Variants in MTCH2 observed in about 807,000 individuals in gnomAD.
MTCH2 encodes mitochondrial carrier homolog 2.
In MTCH2, 25 loss-of-function variants were observed where a neutral mutation model predicts 50.6. The ratio of observed to expected loss-of-function variants is 0.49; its 90% CI spans 0.36 to 0.69. The LOEUF is 0.69. MTCH2 is among the 30% of genes least tolerant of loss of function. The pLI, the probability that MTCH2 is intolerant of heterozygous loss-of-function variation, is 0.00. For synonymous variants in MTCH2, 106 were observed against 132.0 expected, an observed-to-expected ratio of 0.80 and a Z score of 1.35; for missense variants, 273 against 384.4, an observed-to-expected ratio of 0.71 and a Z score of 2.42.
chr11:47,628,855 G>T, intron 9 of MTCH2, 98 bp downstream of exon 9: 1 of 1,071,852 alleles, frequency 9.3e-7, no homozygotes, highest in Non-Finnish European at 1.4e-6. Context: ...TGGGATTACA[G>T]GTGTGAGCCA....
At chr11:47,631,804 A>G in intron 5 of MTCH2, 93 bp from the exon 6 acceptor site, 1 of 1,349,246 alleles carries the variant, frequency 7.4e-7, no homozygotes, top group Non-Finnish European at 1.1e-6. Context: ...GGTATAGGAT[A>G]AGAAAGTGAA....
At chr11:47,626,621 C>T (rs181907247) in intron 10 of MTCH2, among the ~76,000 whole-genome samples, 2 of 150,956 alleles carry the variant, frequency 1.3e-5, no homozygotes, top group East Asian at 1.9e-4. Context: ...GTTATTCTCT[C>T]TTTTTTTTTG....
the MTCH2 span, among the ~76,000 whole-genome samples, chr11:47,608,883 G>A: frequency 8.4e-4 from 126 of 150,462 alleles, no homozygotes; most frequent in Non-Finnish European, 1.5e-3. Context: ...GCGTGAACCC[G>A]GGAGGCGGAG....
chr11:47,617,511 G>T lies in MTCH2; in HGVS notation c.*1322C>A, dbSNP rs9089. On this transcript the variant is annotated 3_prime_UTR_variant, in exon 13 of 13. Transcript: ENST00000302503. ...CATGAGCTTCCTAAACCCCAGGGGA[G>T]GGAAGAGACCCCTGCATTCTCGTTC... 6.6e-6 allele frequency: 1 copy of T among 152,562 alleles called. No individual in the cohort carries two copies. The highest frequency in any genetic ancestry group is 1.5e-5 in the Non-Finnish European group (1 of 68,030). 9.5% of individuals were successfully genotyped at this position (152,562 alleles called of 1,614,324 possible). A position where few individuals can be genotyped will look rare whatever the true frequency, so the allele number is the denominator to read the frequency against.
intron 3 of MTCH2, among the ~76,000 whole-genome samples, chr11:47,636,577 C>T (rs2097308795): frequency 6.6e-6 from 1 of 151,580 alleles, no homozygotes; most frequent in African/African-American, 2.4e-5. Context: ...ACTAAAAATA[C>T]AAAAATTAGC....
the MTCH2 span, among the ~76,000 whole-genome samples, chr11:47,609,644 A>G: frequency 6.7e-6 from 1 of 149,352 alleles, no homozygotes. Context: ...AAAAAAAAAA[A>G]AAAAAAAGAA....
intron 1 of MTCH2, among the ~76,000 whole-genome samples, chr11:47,641,281 A>G (rs2097313958): frequency 6.6e-6 from 1 of 152,206 alleles, no homozygotes. Flanking sequence ...GTTACAGTAC[A>G]TTCTAATCAG....
intron 5 of MTCH2, 102 bp downstream of exon 5, chr11:47,634,570 G>T: frequency 1.2e-6 from 1 of 850,774 alleles, no homozygotes; most frequent in Non-Finnish European, 1.9e-6. Flanking sequence ...AATTTCATTT[G>T]GGAACAGACA....
intron 5 of MTCH2, among the ~76,000 whole-genome samples, chr11:47,632,718 A>T: frequency 7.1e-6 from 1 of 141,066 alleles, no homozygotes; most frequent in East Asian, 2.2e-4. Flanking sequence ...TTTTTTTTTG[A>T]GACAGAGTCT....
At chr11:47,637,135 G>A (rs959707005) in intron 3 of MTCH2, among the ~76,000 whole-genome samples, 5 of 151,754 alleles carry the variant, frequency 3.3e-5, no homozygotes, top group African/African-American at 1.2e-4. Flanking sequence ...GATTACATGC[G>A]CCCACCACCA....
intron 12 of MTCH2, among the ~76,000 whole-genome samples, chr11:47,621,838 C>A (rs2097293563): frequency 1.3e-5 from 2 of 152,044 alleles, no homozygotes; most frequent in South Asian, 4.2e-4. Context: ...GTAACTGGAA[C>A]TATAGGCATG....
At chr11:47,629,442 G>A (rs1457266140) in intron 8 of MTCH2, 2 of 213,352 alleles carry the variant, frequency 9.4e-6, no homozygotes, top group East Asian at 2.2e-4. Context: ...AGCAAAAGAC[G>A]AGAAAAATTA....
chr11:47,633,526 A>ATATATATATATATATAT (rs1378774715), intron 5 of MTCH2, among the ~76,000 whole-genome samples: 3 of 35,076 alleles, frequency 8.6e-5, no homozygotes, highest in Non-Finnish European at 1.8e-4. Flanking sequence ...ATATATATAT[A>ATATATATATATATATAT]TTTTTTTTTT....
Position 47,638,605 on chromosome 11 carries a change from A to AATG in MTCH2, c.279+91_279+93dup. On this transcript the variant is annotated intron_variant, in intron 3 of 12. Coordinates refer to ENST00000302503, the MANE Select transcript of MTCH2 (RefSeq NM_014342.4). ...AAGAGGAAGAAAGGACAGGGTTATA[A>AATG]ATGTATCTTTTAAATTGCTCTTGAT... 5 of 846,056 alleles carry AATG rather than the reference A, an allele frequency of 5.9e-6. 1 individual carries two copies. Among genetic ancestry groups the AATG allele is most frequent in the Non-Finnish European group, 7.1e-6 (4 of 560,260 alleles). The allele number at this position is 846,056 out of a possible 1,614,324, so 52.4% of individuals were successfully genotyped here. A position where few individuals can be genotyped will look rare whatever the true frequency, so the allele number is the denominator to read the frequency against.
At chr11:47,635,689 G>GTTT in intron 3 of MTCH2, 118 bp from the exon 4 acceptor site, 13 of 706,120 alleles carry the variant, frequency 1.8e-5, no homozygotes, top group Non-Finnish European at 2.3e-5. Context: ...TAAAGTTTTT[G>GTTT]TTTTTTTTTT....
intron 1 of MTCH2, among the ~76,000 whole-genome samples, chr11:47,639,514 A>C (rs2097311976): frequency 6.6e-6 from 1 of 152,230 alleles, no homozygotes; most frequent in Admixed American, 6.5e-5. Flanking sequence ...TTCACTTAGG[A>C]AAGAATTACA....
intron 9 of MTCH2, among the ~76,000 whole-genome samples, chr11:47,628,297 C>T (rs1414380613): frequency 1.3e-5 from 2 of 152,078 alleles, no homozygotes; most frequent in South Asian, 4.1e-4. Context: ...GAAAAGCCCC[C>T]GATACACCAT....
the MTCH2 span, among the ~76,000 whole-genome samples, chr11:47,607,622 T>C: frequency 6.6e-6 from 1 of 152,208 alleles, no homozygotes; most frequent in Admixed American, 6.5e-5. Context: ...CTGGGGATTT[T>C]TGCTGGAGCT....
chr11:47,613,046 T>C (rs1387854385), downstream of MTCH2, among the ~76,000 whole-genome samples: 1 of 151,896 alleles, frequency 6.6e-6, no homozygotes. Context: ...GGACTACAGA[T>C]GTGTTCCACC....
Sources: gnomAD v4.1 joint callset for allele counts (sites outside exome capture counted in the v4.1 genomes callset) on GRCh38, gnomAD v4.1.1 for gene constraint, MANE v1.5 for transcripts, NCBI Gene and HGNC (gene_info 2026-07-23, HGNC 2026-07-21) for gene names.